Variants in MAP3K2 observed in about 807,000 individuals in gnomAD.
MAP3K2 encodes MAP/ERK kinase kinase 2.
A neutral mutation model predicts 80.3 loss-of-function variants in MAP3K2; 24 were observed. The observed-to-expected ratio is 0.30, with a 90% CI of 0.22 to 0.42. The LOEUF (loss-of-function observed/expected upper bound fraction) is 0.42, where lower values mean the gene tolerates loss of function less well. Ranked by LOEUF, MAP3K2 falls within the 10% of genes least tolerant of loss-of-function variation. MAP3K2 has a pLI of 1.00. For missense variants in MAP3K2, 608 were observed against 750.1 expected (o/e 0.81, Z 2.21); for synonymous variants, 244 against 253.7 (o/e 0.96, Z 0.36).
chr2:127,375,752 T>A (rs182844960), intron 1 of MAP3K2, among the ~76,000 whole-genome samples: 2 of 152,148 alleles, frequency 1.3e-5, no homozygotes, highest in Non-Finnish European at 2.9e-5. Context: ...TCCGCCTTTC[T>A]TCTGCCCTGT....
intron 14 of MAP3K2, 22 bp from the exon 15 acceptor site, chr2:127,314,905 A>C: frequency 1.3e-6 from 2 of 1,556,656 alleles, no homozygotes; most frequent in South Asian, 2.3e-5. Flanking sequence ...GAAAACAAAA[A>C]TAAAAACTAC....
chr2:127,384,550 T>A (rs1431935307), intron 1 of MAP3K2, among the ~76,000 whole-genome samples: 4 of 152,138 alleles, frequency 2.6e-5, no homozygotes, highest in Non-Finnish European at 2.9e-5. Flanking sequence ...GGTTTAAGAC[T>A]TCAGTGGAGG....
chr2:127,353,639 C>T (rs556515215), intron 1 of MAP3K2, among the ~76,000 whole-genome samples: 4 of 151,634 alleles, frequency 2.6e-5, no homozygotes, highest in African/African-American at 9.7e-5. Context: ...AACCCCGGCC[C>T]GGCCAGCCAC....
intron 1 of MAP3K2, among the ~76,000 whole-genome samples, chr2:127,383,918 G>C (rs1268568855): frequency 7.0e-6 from 1 of 143,166 alleles, no homozygotes; most frequent in Non-Finnish European, 1.5e-5. Context: ...CTGTCACCCA[G>C]ACTGGAGTGC....
chr2:127,342,388 G>GGGGGGGGTGTGTGTGTGTGTGTGTGT (rs143219830), intron 2 of MAP3K2, among the ~76,000 whole-genome samples: 1 of 147,744 alleles, frequency 6.8e-6, no homozygotes, highest in African/African-American at 2.5e-5. Flanking sequence ...TCTTCATGAG[G>GGGGGGGGTGTGTGTGTGTGTGTGTGT]GTGTGTGTGT....
At chr2:127,365,054 T>A (rs1166393071) in intron 1 of MAP3K2, among the ~76,000 whole-genome samples, 2 of 124,708 alleles carry the variant, frequency 1.6e-5, no homozygotes, top group African/African-American at 6.2e-5. Flanking sequence ...GAGGCAGAGG[T>A]TGCAATGAGC....
chr2:127,374,906 A>G (rs1160497178), intron 1 of MAP3K2, among the ~76,000 whole-genome samples: 2 of 152,204 alleles, frequency 1.3e-5, no homozygotes, highest in African/African-American at 4.8e-5. Context: ...TCCAGCCTTA[A>G]AAATATGCTC....
At chr2:127,324,730 C>T (rs1189829982) in intron 9 of MAP3K2, among the ~76,000 whole-genome samples, 4 of 152,128 alleles carry the variant, frequency 2.6e-5, no homozygotes, top group Non-Finnish European at 5.9e-5. Context: ...ATTTCATATA[C>T]ATGGATAAAA....
At chr2:127,336,230 G>A (rs190835714) in intron 4 of MAP3K2, among the ~76,000 whole-genome samples, 16 of 152,274 alleles carry the variant, frequency 1.1e-4, no homozygotes, top group Admixed American at 3.3e-4. Flanking sequence ...AATTTGCACT[G>A]AAACTACCAT....
rs1388983757 is a variant in MAP3K2 at position 127,303,441 on chromosome 2, T to C, written c.*4138A>G. On this transcript the variant is annotated 3_prime_UTR_variant, in exon 17 of 17. Transcript: ENST00000682094. ...AGAGGGGGTCCTGAGAGAGATGCTA[T>C]GTGACCTGGTTGGGGAGGGGATCCC... The C allele has an allele frequency of 1.3e-5, 2 of 152,088 alleles. No individual in the cohort carries two copies. The highest frequency in any genetic ancestry group is 2.9e-5 in the Non-Finnish European group (2 of 67,990). The allele number at this position is 152,088 out of a possible 1,614,324, so 9.4% of individuals were successfully genotyped here. A position where few individuals can be genotyped will look rare whatever the true frequency, so the allele number is the denominator to read the frequency against.
intron 1 of MAP3K2, among the ~76,000 whole-genome samples, chr2:127,348,997 C>CA (rs765390996): frequency 4.6e-5 from 7 of 152,098 alleles, no homozygotes; most frequent in Non-Finnish European, 5.9e-5. Context: ...CAAAAACAAC[C>CA]ATGTTATCCT....
Position 127,303,302 on chromosome 2 carries a change from G to A in MAP3K2, c.*4277C>T, listed in dbSNP as rs1685632604. 1 of 147,146 alleles carries A rather than the reference G, an allele frequency of 6.8e-6. No individual in the cohort carries two copies. Among genetic ancestry groups the A allele is most frequent in the Non-Finnish European group, 1.5e-5 (1 of 66,978 alleles). 9.1% of individuals were successfully genotyped at this position (147,146 alleles called of 1,614,324 possible). On this transcript the variant is annotated 3_prime_UTR_variant, in exon 17 of 17. Coordinates refer to ENST00000682094, the MANE Select transcript of MAP3K2 (RefSeq NM_001371910.2). ...CACAATTTAGACCAAAATAAAGTAT[G>A]TTTTCTTTAAAAGAGACACTGGGGA... is the stretch of plus-strand genomic sequence containing the variant.
chr2:127,335,935 C>G lies in MAP3K2; in HGVS notation c.199G>C (p.Asp67His). ...LQFPRPVKLE[D>H]LRSKAKIAFG... ...GCAATTTTAGCTTTAGATCTCAGATCTTCCAGTTTAACTGGTCTGGGGAAC... is the reference window on the plus strand; with the variant it reads ...GCAATTTTAGCTTTAGATCTCAGATGTTCCAGTTTAACTGGTCTGGGGAAC... The change falls in exon 5 of 17, where the codon GAT (aspartate) becomes CAT (histidine). Residue 67 changes from aspartate (D) to histidine (H), a missense_variant. Asp to His is a moderately conservative substitution (Grantham distance 81). Coordinates refer to ENST00000682094, the MANE Select transcript of MAP3K2 (RefSeq NM_001371910.2). 2.5e-6 allele frequency: 4 copies of G among 1,572,722 alleles called. No homozygotes were observed. The highest frequency in any genetic ancestry group is 3.5e-6 in the Non-Finnish European group (4 of 1,156,028).
chr2:127,347,218 A>G (rs1686613327), intron 1 of MAP3K2, among the ~76,000 whole-genome samples: 1 of 152,062 alleles, frequency 6.6e-6, no homozygotes, highest in South Asian at 2.1e-4. Context: ...TCTATTTAAT[A>G]TTGTACTAGA....
At chr2:127,313,951 T>G (rs2104810019) in intron 15 of MAP3K2, among the ~76,000 whole-genome samples, 1 of 152,298 alleles carries the variant, frequency 6.6e-6, no homozygotes, top group Non-Finnish European at 1.5e-5. Flanking sequence ...ACTACAGTCA[T>G]GCACCATCAT....
chr2:127,385,699 TG>T (rs1223718409), intron 1 of MAP3K2, among the ~76,000 whole-genome samples: 1 of 152,038 alleles, frequency 6.6e-6, no homozygotes, highest in Non-Finnish European at 1.5e-5. Context: ...AAGTGGGAGG[TG>T]GGGGGAAATA....
chr2:127,380,971 A>G (rs1687235292), intron 1 of MAP3K2, among the ~76,000 whole-genome samples: 1 of 152,236 alleles, frequency 6.6e-6, no homozygotes, highest in Non-Finnish European at 1.5e-5. Flanking sequence ...TTATTCATAA[A>G]TGTTTACTAA....
At chr2:127,317,386 G>T (rs1032380222) in intron 14 of MAP3K2, among the ~76,000 whole-genome samples, 1 of 152,138 alleles carries the variant, frequency 6.6e-6, no homozygotes, top group African/African-American at 2.4e-5. Flanking sequence ...GGCATTTAAG[G>T]AAATCTGAAG....
chr2:127,377,733 T>C (rs1418205296), intron 1 of MAP3K2, among the ~76,000 whole-genome samples: 2 of 152,194 alleles, frequency 1.3e-5, no homozygotes, highest in Admixed American at 6.5e-5. Context: ...TTGAAATTTG[T>C]AGAAAATTGT....
Sources: allele counts gnomAD v4.1 joint callset (sites outside exome capture counted in the v4.1 genomes callset), GRCh38; gene constraint gnomAD v4.1.1; transcripts MANE v1.5; gene names NCBI Gene and HGNC (gene_info 2026-07-23, HGNC 2026-07-21).